The following RP1 variants were observed in gnomAD, a reference collection of about 807,000 sequenced individuals.
RP1 encodes RP1 axonemal microtubule associated.
In RP1, 16 loss-of-function variants were observed where a neutral mutation model predicts 14.8. That is an observed-to-expected ratio of 1.08 (90% CI 0.73 to 1.65). The LOEUF (loss-of-function observed/expected upper bound fraction) is 1.65. RP1 is among the 40% of genes most tolerant of loss of function. The pLI is 0.00. For missense variants in RP1, 2,631 were observed against 2,535.0 expected (o/e 1.04, Z -0.81); for synonymous variants, 876 against 883.6 (o/e 0.99, Z 0.15).
upstream of RP1, among the ~76,000 whole-genome samples, chr8:54,615,061 TC>T (rs1469619535): frequency 6.6e-6 from 1 of 152,186 alleles, no homozygotes; most frequent in Non-Finnish European, 1.5e-5. Flanking sequence ...AACACAAATT[TC>T]CTTACTGATT....
intron 15 of RP1, among the ~76,000 whole-genome samples, chr8:54,718,715 G>A (rs1004598649): frequency 6.6e-6 from 1 of 152,134 alleles, no homozygotes; most frequent in Non-Finnish European, 1.5e-5. Flanking sequence ...AAACTTAAAT[G>A]CATATTGCAA....
intron 15 of RP1, among the ~76,000 whole-genome samples, chr8:54,711,141 A>T (rs192912669): frequency 6.6e-6 from 1 of 152,338 alleles, no homozygotes; most frequent in Admixed American, 6.5e-5. Flanking sequence ...CTTGAGGATT[A>T]CAGAGAAAAT....
At position 54,627,913 on chromosome 8, in the gene RP1, T is replaced by C; in HGVS notation, c.4031T>C (p.Phe1344Ser). 1 of 1,614,174 alleles carries C rather than the reference T, an allele frequency of 6.2e-7. No individual in the cohort carries two copies. Among genetic ancestry groups the C allele is most frequent in the Non-Finnish European group, 8.5e-7 (1 of 1,179,984 alleles). The change falls in exon 4 of 4, where the codon TTT becomes TCT. Residue 1344 changes from phenylalanine to serine, a missense_variant. Phe to Ser is a radical substitution (Grantham distance 155). Coordinates refer to ENST00000220676, the MANE Select transcript of RP1 (RefSeq NM_006269.2). ...VPVNVCNTIDFLNSKENTYTD... is the reference protein window; with the variant it reads ...VPVNVCNTIDSLNSKENTYTD... ...GTCAATGTCTGCAATACCATTGACT[T>C]TTTAAACTCCAAAGAAAACACATAT... is the stretch of plus-strand genomic sequence containing the variant.
chr8:54,635,186 A>G (rs574871516), downstream of RP1, among the ~76,000 whole-genome samples: 38 of 152,318 alleles, frequency 2.5e-4, no homozygotes, highest in African/African-American at 8.9e-4. Context: ...TAGATATTTC[A>G]TATATTAATG....
chr8:54,738,712 C>T (rs1273225656), intron 18 of RP1, among the ~76,000 whole-genome samples: 1 of 152,062 alleles, frequency 6.6e-6, no homozygotes, highest in Non-Finnish European at 1.5e-5. Flanking sequence ...TCATTTGACT[C>T]CTTCTGCATA....
At chr8:54,772,077 T>G (rs1414369707), downstream of RP1, among the ~76,000 whole-genome samples, 1 of 152,134 alleles carries the variant, frequency 6.6e-6, no homozygotes, top group Non-Finnish European at 1.5e-5. Context: ...CATTACTAAC[T>G]CTTAGCCATG....
chr8:54,708,215 G>C (rs751166881), intron 15 of RP1, among the ~76,000 whole-genome samples: 1 of 152,172 alleles, frequency 6.6e-6, no homozygotes, highest in South Asian at 2.1e-4. Flanking sequence ...TAGAGGCACA[G>C]GTAAGTGTCA....
At chr8:54,612,808 C>A (rs1805627422), upstream of RP1, among the ~76,000 whole-genome samples, 1 of 152,192 alleles carries the variant, frequency 6.6e-6, no homozygotes, top group African/African-American at 2.4e-5. Context: ...AACCTTTGCA[C>A]TTACTCTCTC....
In RP1 at chr8:54,819,734, G is replaced by A. The variant is rs116675310; in HGVS notation, c.3616-17716G>A. Among the ~76,000 whole-genome samples, 578 of 152,178 alleles carry A rather than the reference G, an allele frequency of 3.8e-3. 6 individuals carry two copies. The highest frequency in any genetic ancestry group is 0.013 in the African/African-American group (543 of 41,526). The stretch of plus-strand genomic sequence containing the variant: ...CTGCAACTCTTGCAAACTCATGGAG[G>A]TACCACCATGGTGGGCTTGGGTAAG... On this transcript the variant is annotated intron_variant, in intron 24 of 28. Coordinates refer to the RP1 transcript ENST00000637698.
Position 54,628,480 on chromosome 8 carries a change from C to CA in RP1, c.4600dup (p.Thr1534AsnfsTer10). ...TATGAAATAATCAGTAAGAGGCTGG[C>CA]AACACCACCATCTTTAGATTTTTGC... On this transcript the variant is annotated frameshift_variant, in exon 4 of 4. Transcript: ENST00000220676. LOFTEE classifies it low-confidence loss of function (END_TRUNC). 2 of 1,613,510 alleles carry CA rather than the reference C, an allele frequency of 1.2e-6. No homozygotes were observed. The highest frequency in any genetic ancestry group is 8.5e-7 in the Non-Finnish European group (1 of 1,179,812).
chr8:54,695,492 G>T (rs1330570130), intron 12 of RP1, among the ~76,000 whole-genome samples: 2 of 151,788 alleles, frequency 1.3e-5, no homozygotes, highest in Non-Finnish European at 2.9e-5. Flanking sequence ...AAAAAAATAA[G>T]ATAATACCTT....
chr8:54,827,146 A>C (rs968522778), intron 24 of RP1, among the ~76,000 whole-genome samples: 9 of 152,206 alleles, frequency 5.9e-5, no homozygotes, highest in African/African-American at 2.2e-4. Context: ...GTGAAGGCCT[A>C]GGACATTACT....
chr8:54,632,733 GA>G (rs1806272829), downstream of RP1, among the ~76,000 whole-genome samples: 6 of 152,048 alleles, frequency 3.9e-5, 1 homozygote, highest in South Asian at 1.2e-3. Flanking sequence ...CTGTAAAGAT[GA>G]TTTTTTCTTT....
chr8:54,632,679 T>C (rs1806271464), downstream of RP1, among the ~76,000 whole-genome samples: 1 of 152,198 alleles, frequency 6.6e-6, no homozygotes, highest in Non-Finnish European at 1.5e-5. Flanking sequence ...TTTTTAGTTT[T>C]TTTATATTTT....
chr8:54,793,266 C>A (rs1810508648), intron 24 of RP1, among the ~76,000 whole-genome samples: 1 of 151,772 alleles, frequency 6.6e-6, no homozygotes, highest in African/African-American at 2.4e-5. Flanking sequence ...ATAATTAATG[C>A]CAAACCATCT....
chr8:54,673,893 G>A (rs1444667675), exon 8 of RP1: 4 of 1,535,928 alleles, frequency 2.6e-6, no homozygotes, highest in Non-Finnish European at 3.5e-6. Context: ...GGAGATTTGT[G>A]TAAGATTGTG....
chr8:54,701,734 CTTAAA>C, intron 14 of RP1: 1 of 1,367,028 alleles, frequency 7.3e-7, no homozygotes, highest in South Asian at 1.4e-5. Flanking sequence ...GAGCAAAAGT[CTTAAA>C]TTGAGTCATA....
chr8:54,715,342 A>G (rs1392448654), intron 15 of RP1, among the ~76,000 whole-genome samples: 1 of 152,224 alleles, frequency 6.6e-6, no homozygotes, highest in African/African-American at 2.4e-5. Flanking sequence ...CATCTCTTTA[A>G]TCAGTTTGTA....
At chr8:54,630,880 T>TG, downstream of RP1, 1 of 938,954 alleles carries the variant, frequency 1.1e-6, no homozygotes, top group Non-Finnish European at 1.3e-6. Context: ...CCAGTGAAAT[T>TG]GCAAGCATTT....
Sources: allele counts gnomAD v4.1 joint callset (sites outside exome capture counted in the v4.1 genomes callset), GRCh38; gene constraint gnomAD v4.1.1; transcripts MANE v1.5; gene names NCBI Gene and HGNC (gene_info 2026-07-23, HGNC 2026-07-21).